The following C7orf33 variants were observed in gnomAD, a reference collection of about 807,000 sequenced individuals.
C7orf33 encodes the protein uncharacterized protein C7orf33.
A neutral mutation model predicts 13.4 loss-of-function variants in C7orf33; 15 were observed. The observed-to-expected ratio is 1.12, with a 90% CI of 0.75 to 1.72. The LOEUF (loss-of-function observed/expected upper bound fraction) is 1.72, where lower values mean the gene tolerates loss of function less well. Ranked by LOEUF, C7orf33 falls within the 40% of genes most tolerant of loss-of-function variation. The pLI is 0.00. For synonymous variants in C7orf33, 73 were observed against 83.2 expected, an observed-to-expected ratio of 0.88 and a Z score of 0.67; for missense variants, 187 against 220.3, an observed-to-expected ratio of 0.85 and a Z score of 0.96.
At chr7:148,606,896 G>A (rs1796478016) in intron 1 of C7orf33, among the ~76,000 whole-genome samples, 2 of 145,356 alleles carry the variant, frequency 1.4e-5, no homozygotes, top group African/African-American at 2.5e-5. Flanking sequence ...CACCTCATAA[G>A]GTTCTTAGTT....
Position 148,590,908 on chromosome 7 carries a change from G to GTAAT in C7orf33, c.-15_-12dup, listed in dbSNP as rs1563119092. 6.2e-7 allele frequency: 1 copy of GTAAT among 1,613,042 alleles called. No individual in the cohort carries two copies. Among genetic ancestry groups the GTAAT allele is most frequent in the Admixed American group, 1.7e-5 (1 of 60,018 alleles). ...CTCTCCTTGACAGCATCCAGGAAAGGTAATTACCTTTGCCAAAATGCAAGT... is the reference window on the plus strand; with the variant it reads ...CTCTCCTTGACAGCATCCAGGAAAGGTAATTAATTACCTTTGCCAAAATGCAAGT... On this transcript the variant is annotated 5_prime_UTR_variant, in exon 1 of 3. Transcript: ENST00000307003.
At chr7:148,613,946 G>A in intron 1 of C7orf33, 96 bp from the exon 2 acceptor site, 1 of 1,277,988 alleles carries the variant, frequency 7.8e-7, no homozygotes, top group Non-Finnish European at 1.1e-6. Flanking sequence ...CAGCTACTTA[G>A]TAGCCTCAAA....
intron 1 of C7orf33, among the ~76,000 whole-genome samples, chr7:148,595,619 T>TATAG (rs1452535304): frequency 2.3e-5 from 3 of 128,942 alleles, no homozygotes; most frequent in Admixed American, 8.2e-5. Flanking sequence ...ATATATATTA[T>TATAG]ATATAATATA....
In C7orf33 at chr7:148,604,970, G is replaced by A. The variant is rs28638038; in HGVS notation, c.205-9072G>A. On this transcript the variant is annotated intron_variant, in intron 1 of 2. Coordinates refer to ENST00000307003, the MANE Select transcript of C7orf33 (RefSeq NM_145304.4). ...ATAGAGGCTGAACACGGTGGCTCAC[G>A]CCTGTACTCTCAGCTCTTCGGGATG... Among the ~76,000 whole-genome samples the A allele has an allele frequency of 7.2e-3, 1,092 of 152,284 alleles. 7 individuals carry two copies. The highest frequency in any genetic ancestry group is 0.025 in the African/African-American group (1,039 of 41,560).
At chr7:148,611,036 G>A (rs1183677995) in intron 1 of C7orf33, among the ~76,000 whole-genome samples, 1 of 152,198 alleles carries the variant, frequency 6.6e-6, no homozygotes, top group Non-Finnish European at 1.5e-5. Context: ...GACAGAGTGA[G>A]AGGAAAGAGA....
At chr7:148,610,100 G>A (rs1796519015) in intron 1 of C7orf33, among the ~76,000 whole-genome samples, 1 of 152,212 alleles carries the variant, frequency 6.6e-6, no homozygotes, top group African/African-American at 2.4e-5. Flanking sequence ...ATTGCACAGT[G>A]AGAGTCATAT....
chr7:148,608,803 C>T (rs542327908), intron 1 of C7orf33, among the ~76,000 whole-genome samples: 1 of 152,214 alleles, frequency 6.6e-6, no homozygotes, highest in African/African-American at 2.4e-5. Flanking sequence ...GGCGACAGAG[C>T]AAGACTCTGT....
At chr7:148,613,921 A>G (rs992733729) in intron 1 of C7orf33, 121 bp from the exon 2 acceptor site, 3 of 1,039,792 alleles carry the variant, frequency 2.9e-6, no homozygotes, top group Non-Finnish European at 2.8e-6. Flanking sequence ...TCTTTAGGCT[A>G]TTTCATGTGT....
At chr7:148,609,098 A>AT (rs1796508240) in intron 1 of C7orf33, among the ~76,000 whole-genome samples, 1 of 99,654 alleles carries the variant, frequency 1.0e-5, no homozygotes, top group African/African-American at 4.3e-5. Flanking sequence ...CAAAGACGTT[A>AT]TTTTGAAAAA....
chr7:148,613,260 G>A (rs1340656607), intron 1 of C7orf33, among the ~76,000 whole-genome samples: 5 of 152,082 alleles, frequency 3.3e-5, no homozygotes, highest in Non-Finnish European at 7.3e-5. Flanking sequence ...TTATCTTTCT[G>A]TGCCTGATTG....
chr7:148,593,750 AC>A (rs1563119780), intron 1 of C7orf33, among the ~76,000 whole-genome samples: 1 of 152,176 alleles, frequency 6.6e-6, no homozygotes, highest in African/African-American at 2.4e-5. Context: ...GATTGTAGAA[AC>A]GGAGACTCCC....
At chr7:148,607,299 T>C (rs1015832125) in intron 1 of C7orf33, among the ~76,000 whole-genome samples, 5 of 152,166 alleles carry the variant, frequency 3.3e-5, no homozygotes, top group African/African-American at 1.2e-4. Context: ...TTAACCTTTG[T>C]TCTCCCTGGT....
chr7:148,607,445 G>A (rs1011512973), intron 1 of C7orf33, among the ~76,000 whole-genome samples: 7 of 152,166 alleles, frequency 4.6e-5, no homozygotes, highest in African/African-American at 1.7e-4. Context: ...GGAGTGGCAT[G>A]TTCTGGACTC....
intron 1 of C7orf33, among the ~76,000 whole-genome samples, chr7:148,608,966 A>G (rs1413577931): frequency 6.6e-6 from 1 of 152,194 alleles, no homozygotes; most frequent in Non-Finnish European, 1.5e-5. Flanking sequence ...TTTTGGAAAC[A>G]TGGCTTTGCT....
At chr7:148,610,551 TA>T (rs1796526057) in intron 1 of C7orf33, among the ~76,000 whole-genome samples, 1 of 152,142 alleles carries the variant, frequency 6.6e-6, no homozygotes, top group Admixed American at 6.6e-5. Context: ...AGTTATTACT[TA>T]ATAAACTCCC....
At chr7:148,611,437 G>C (rs894005250) in intron 1 of C7orf33, among the ~76,000 whole-genome samples, 1 of 152,184 alleles carries the variant, frequency 6.6e-6, no homozygotes, top group Admixed American at 6.5e-5. Context: ...AAAGAGGGAC[G>C]TCTTGATGCC....
intron 1 of C7orf33, among the ~76,000 whole-genome samples, chr7:148,607,992 G>A (rs145174287): frequency 3.3e-5 from 5 of 151,888 alleles, no homozygotes; most frequent in African/African-American, 9.7e-5. Flanking sequence ...TACTTCCAGC[G>A]TATTACCTCA....
chr7:148,590,792 C>G lies in C7orf33; in HGVS notation c.-134C>G. 4 of 795,800 alleles carry G rather than the reference C, an allele frequency of 5.0e-6. No homozygotes were observed. Among genetic ancestry groups the G allele is most frequent in the South Asian group, 4.4e-5 (3 of 67,430 alleles). 49.3% of individuals were successfully genotyped at this position (795,800 alleles called of 1,614,324 possible). A position where few individuals can be genotyped will look rare whatever the true frequency, so the allele number is the denominator to read the frequency against. On this transcript the variant is annotated 5_prime_UTR_variant, in exon 1 of 3. The change creates a premature stop within an existing upstream ORF in the 5' untranslated region. Coordinates refer to ENST00000307003, the MANE Select transcript of C7orf33 (RefSeq NM_145304.4). Reference sequence around the variant, plus strand: ...CTTATGGTGATGCCAATCCAGTGGTCAGGAGCGAGGCGCCCAGCCTGTGTC... The same window carrying G: ...CTTATGGTGATGCCAATCCAGTGGTGAGGAGCGAGGCGCCCAGCCTGTGTC...
chr7:148,612,099 G>A (rs965884971), intron 1 of C7orf33, among the ~76,000 whole-genome samples: 4 of 152,226 alleles, frequency 2.6e-5, no homozygotes, highest in East Asian at 1.9e-4. Flanking sequence ...TAGAAAAGGC[G>A]CTTGATTAAA....
Sources: allele counts gnomAD v4.1 joint callset (sites outside exome capture counted in the v4.1 genomes callset), GRCh38; gene constraint gnomAD v4.1.1; transcripts MANE v1.5; gene names NCBI Gene and HGNC (gene_info 2026-07-23, HGNC 2026-07-21).